Variants in ERC2 observed in about 807,000 individuals in gnomAD.
ERC2 encodes the protein ELKS/RAB6-interacting/CAST family member 2.
Under a neutral mutation model 114.8 loss-of-function variants are expected in ERC2, and 42 were observed. The ratio of observed to expected loss-of-function variants is 0.37; its 90% CI spans 0.29 to 0.47. ERC2 has a LOEUF of 0.47. Among genes scored for constraint, ERC2 ranks in the 20% least tolerant of loss-of-function variants. ERC2 has a pLI of 0.99. For synonymous variants in ERC2, 454 were observed against 425.5 expected (o/e 1.07, Z -0.82); for missense variants, 939 against 1,150.7 (o/e 0.82, Z 2.66).
intron 3 of ERC2, among the ~76,000 whole-genome samples, chr3:56,272,435 T>C (rs2053715136): frequency 6.6e-6 from 1 of 152,210 alleles, no homozygotes; most frequent in Admixed American, 6.5e-5. Context: ...TCAGATGCAA[T>C]TCTATGTGAA....
intron 2 of ERC2, among the ~76,000 whole-genome samples, chr3:56,380,848 T>C (rs1407017436): frequency 6.6e-6 from 1 of 152,230 alleles, no homozygotes; most frequent in Admixed American, 6.5e-5. Context: ...ATGTGAAAAT[T>C]ACTTATAATC....
At chr3:56,250,498 C>T (rs2052069815) in intron 3 of ERC2, among the ~76,000 whole-genome samples, 1 of 152,174 alleles carries the variant, frequency 6.6e-6, no homozygotes, top group Non-Finnish European at 1.5e-5. Context: ...CAAAATGTAG[C>T]ATTGAAAGAG....
intron 2 of ERC2, among the ~76,000 whole-genome samples, chr3:56,305,837 A>G (rs1445968003): frequency 6.6e-6 from 1 of 152,046 alleles, no homozygotes; most frequent in African/African-American, 2.4e-5. Flanking sequence ...ATTGACATAT[A>G]TATTGTCTTT....
chr3:55,621,257 A>G (rs1460960190), intron 17 of ERC2, among the ~76,000 whole-genome samples: 1 of 152,100 alleles, frequency 6.6e-6, no homozygotes, highest in East Asian at 1.9e-4. Flanking sequence ...AAAACACCCA[A>G]GTGGTGGGCT....
chr3:56,197,302 G>A (rs1021155640), intron 3 of ERC2, among the ~76,000 whole-genome samples: 1 of 152,164 alleles, frequency 6.6e-6, no homozygotes, highest in Non-Finnish European at 1.5e-5. Context: ...GGATAAAAGA[G>A]TTAAATGTGA....
intron 2 of ERC2, among the ~76,000 whole-genome samples, chr3:56,389,065 T>G (rs1390569131): frequency 6.6e-6 from 1 of 152,200 alleles, no homozygotes; most frequent in Non-Finnish European, 1.5e-5. Context: ...TATAGAACTC[T>G]TCCTGAAATG....
chr3:55,892,084 A>G (rs1270941585), intron 13 of ERC2, among the ~76,000 whole-genome samples: 1 of 152,216 alleles, frequency 6.6e-6, no homozygotes, highest in Non-Finnish European at 1.5e-5. Context: ...TTACCTCAAC[A>G]GGTAAATAGG....
rs2060477565 is a variant in ERC2 at position 55,829,492 on chromosome 3, G to A, written c.2564+58897C>T. 2.6e-5 allele frequency among the ~76,000 whole-genome samples: 4 copies of A among 152,022 alleles called. No homozygotes were observed. In the South Asian group the frequency reaches 8.3e-4, roughly 32 times the overall value. Reference sequence around the variant, plus strand: ...AAAAAATTAACAAAACATAAATAGAGCCTCAGAAACCTGTAGAACAATATC... The same window carrying A: ...AAAAAATTAACAAAACATAAATAGAACCTCAGAAACCTGTAGAACAATATC... On this transcript the variant is annotated intron_variant, in intron 14 of 17. Coordinates refer to ENST00000288221, the MANE Select transcript of ERC2 (RefSeq NM_015576.3).
chr3:55,708,832 A>T (rs1250598584), intron 15 of ERC2, among the ~76,000 whole-genome samples: 1 of 148,774 alleles, frequency 6.7e-6, no homozygotes, highest in Non-Finnish European at 1.5e-5. Flanking sequence ...GGAAGAAAGG[A>T]GGGAGAGAGT....
At position 55,734,834 on chromosome 3, in the gene ERC2, C is replaced by T. The variant is rs145037081; in HGVS notation, c.2649G>A (p.Thr883=). ...GCTTGAGGGCCATGACTTCTTCCTG[C>T]GTCTTTTTCTTTTTGGAGGCAGACA... The part of the protein sequence containing the change: ...LELSASKKKK[T]QEEVMALKRE... Residue 883 remains threonine, a synonymous_variant, in exon 15 of 18, where the codon ACG becomes ACA. Transcript: ENST00000288221. 209 of 1,612,984 alleles carry T rather than the reference C, an allele frequency of 1.3e-4. 3 individuals carry two copies. In the African/African-American group the frequency reaches 2.2e-3, roughly 17 times the overall value.
At chr3:56,048,091 A>T (rs2075568955) in intron 7 of ERC2, among the ~76,000 whole-genome samples, 2 of 152,220 alleles carry the variant, frequency 1.3e-5, no homozygotes, top group African/African-American at 2.4e-5. Context: ...AGATTTAAAG[A>T]TATTCAGATG....
At chr3:55,969,507 CA>C (rs2149482654) in intron 12 of ERC2, among the ~76,000 whole-genome samples, 1 of 152,156 alleles carries the variant, frequency 6.6e-6, no homozygotes, top group Non-Finnish European at 1.5e-5. Context: ...AATGTCTCTG[CA>C]GTGACAACTG....
At chr3:56,390,192 C>T (rs1439425041) in intron 2 of ERC2, among the ~76,000 whole-genome samples, 1 of 152,108 alleles carries the variant, frequency 6.6e-6, no homozygotes, top group Non-Finnish European at 1.5e-5. Flanking sequence ...TTTCCATCAG[C>T]TTTTCCATCC....
At chr3:56,296,645 C>G (rs958197193) in intron 2 of ERC2, among the ~76,000 whole-genome samples, 9 of 152,058 alleles carry the variant, frequency 5.9e-5, no homozygotes, top group African/African-American at 1.7e-4. Context: ...TTCTGAATGT[C>G]TTGAGAGAAG....
At chr3:55,994,495 A>G (rs1464353828) in intron 10 of ERC2, among the ~76,000 whole-genome samples, 1 of 152,018 alleles carries the variant, frequency 6.6e-6, no homozygotes, top group Admixed American at 6.6e-5. Flanking sequence ...AACCATGAAA[A>G]CTACAAAATG....
intron 15 of ERC2, among the ~76,000 whole-genome samples, chr3:55,712,766 T>C (rs908815243): frequency 1.3e-5 from 2 of 152,182 alleles, no homozygotes; most frequent in African/African-American, 4.8e-5. Context: ...TTCTGCCTTT[T>C]TGGGCAGCTC....
At chr3:56,171,471 G>GA (rs2150018883) in intron 4 of ERC2, among the ~76,000 whole-genome samples, 1 of 152,272 alleles carries the variant, frequency 6.6e-6, no homozygotes, top group Non-Finnish European at 1.5e-5. Context: ...TCCGTTTCCT[G>GA]AAAATTATAT....
At chr3:55,646,557 T>A (rs1298632149) in intron 17 of ERC2, among the ~76,000 whole-genome samples, 1 of 152,236 alleles carries the variant, frequency 6.6e-6, no homozygotes, top group East Asian at 1.9e-4. Context: ...AGAATAATAA[T>A]GCTAATATTT....
At chr3:56,048,302 T>A (rs996138026) in intron 7 of ERC2, among the ~76,000 whole-genome samples, 75 of 152,306 alleles carry the variant, frequency 4.9e-4, no homozygotes, top group African/African-American at 1.7e-3. Flanking sequence ...GCGTAACAAG[T>A]CTATGATTTG....
Sources: allele counts gnomAD v4.1 joint callset (sites outside exome capture counted in the v4.1 genomes callset), GRCh38; gene constraint gnomAD v4.1.1; transcripts MANE v1.5; gene names NCBI Gene and HGNC (gene_info 2026-07-23, HGNC 2026-07-21).